ADAMTS12: variants seen among roughly 807,000 people sequenced by gnomAD.
The protein encoded by ADAMTS12 is ADAM metallopeptidase with thrombospondin type 1 motif 12.
Under a neutral mutation model 167.8 loss-of-function variants are expected in ADAMTS12, and 118 were observed. That is an observed-to-expected ratio of 0.70 (90% CI 0.61 to 0.82). The LOEUF (loss-of-function observed/expected upper bound fraction) is 0.82, where lower values mean the gene tolerates loss of function less well. Among genes scored for constraint, ADAMTS12 ranks in the 40% least tolerant of loss-of-function variants. The pLI, the probability that ADAMTS12 is intolerant of heterozygous loss-of-function variation, is 0.00. For missense variants in ADAMTS12, 1,916 were observed against 1,998.8 expected (o/e 0.96, Z 0.79); for synonymous variants, 704 against 716.9 (o/e 0.98, Z 0.29).
rs11749661 is a variant in ADAMTS12 at position 33,781,845 on chromosome 5, C to G, written c.490-30297G>C. Among the ~76,000 whole-genome samples the G allele has an allele frequency of 1.3e-4, 19 of 151,904 alleles. No individual in the cohort carries two copies. The East Asian group carries it at 1.7e-3, about 14-fold the overall frequency. Reference sequence around the variant, plus strand: ...ATATCTCCTAATGCTATCCCTCCCCCCCGACCCCACAACAGTCCCCAGAGT... The same window carrying G: ...ATATCTCCTAATGCTATCCCTCCCCGCCGACCCCACAACAGTCCCCAGAGT... On this transcript the variant is annotated intron_variant, in intron 2 of 23. Transcript: ENST00000504830.
Position 33,576,373 on chromosome 5 carries a change from T to C in ADAMTS12, c.3653A>G (p.Glu1218Gly), listed in dbSNP as rs1746716905. The change falls in exon 19 of 24, where the codon GAA becomes GGA. Residue 1218 changes from glutamate (E) to glycine (G), a missense_variant. Coordinates refer to ENST00000504830, the MANE Select transcript of ADAMTS12 (RefSeq NM_030955.4). ...GGGCCTTTGGCTGGGGAGCAGTCCT[T>C]CCATTACTGTGCTGAAGGGTGGCCA... ...SWWPPFSTVM[E>G]GLLPSQRPTT... is the part of the protein sequence containing the mutation. 4 of 1,614,180 alleles carry C rather than the reference T, an allele frequency of 2.5e-6. No homozygotes were observed. The highest frequency in any genetic ancestry group is 3.4e-6 in the Non-Finnish European group (4 of 1,180,032).
intron 2 of ADAMTS12, among the ~76,000 whole-genome samples, chr5:33,779,716 G>A (rs1028861681): frequency 6.6e-6 from 1 of 152,162 alleles, no homozygotes; most frequent in Non-Finnish European, 1.5e-5. Context: ...AATAAGCCTG[G>A]CACAGAAAGA....
chr5:33,766,707 CTTT>C (rs1745548129), intron 2 of ADAMTS12, among the ~76,000 whole-genome samples: 5 of 151,940 alleles, frequency 3.3e-5, no homozygotes, highest in Admixed American at 3.3e-4. Context: ...AGAACTCATT[CTTT>C]TTTAATTAGT....
chr5:33,715,874 C>A (rs11740622), intron 3 of ADAMTS12, among the ~76,000 whole-genome samples: 21,510 of 152,038 alleles, frequency 0.14, 1,870 homozygotes, highest in East Asian at 0.27. Context: ...GTCTAGCCAA[C>A]CCCACCCAAG....
chr5:33,610,397 A>G (rs1162776935), intron 16 of ADAMTS12, among the ~76,000 whole-genome samples: 1 of 152,228 alleles, frequency 6.6e-6, no homozygotes, highest in Non-Finnish European at 1.5e-5. Flanking sequence ...TTTCACAAAC[A>G]TAGAATGTCA....
intron 1 of ADAMTS12, among the ~76,000 whole-genome samples, chr5:33,886,926 C>A (rs1020438448): frequency 6.6e-6 from 1 of 152,006 alleles, no homozygotes; most frequent in African/African-American, 2.4e-5. Context: ...TTGTGCTTGA[C>A]AAATAACATT....
At chr5:33,759,501 AAC>A (rs1251799338) in intron 2 of ADAMTS12, among the ~76,000 whole-genome samples, 1 of 152,190 alleles carries the variant, frequency 6.6e-6, no homozygotes, top group Non-Finnish European at 1.5e-5. Context: ...TGCTGACAAG[AAC>A]TAAATAAGGC....
At chr5:33,640,811 TAA>T (rs1740408664) in intron 11 of ADAMTS12, among the ~76,000 whole-genome samples, 1 of 150,090 alleles carries the variant, frequency 6.7e-6, no homozygotes, top group African/African-American at 2.4e-5. Flanking sequence ...AAAAAATATA[TAA>T]TATATATAGT....
intron 23 of ADAMTS12, among the ~76,000 whole-genome samples, chr5:33,528,829 G>A (rs751950548): frequency 6.6e-6 from 1 of 152,198 alleles, no homozygotes; most frequent in Non-Finnish European, 1.5e-5. Context: ...GGCGGATCAT[G>A]AGGTCAGGAA....
At chr5:33,732,555 T>C (rs912097950) in intron 3 of ADAMTS12, among the ~76,000 whole-genome samples, 2 of 152,178 alleles carry the variant, frequency 1.3e-5, no homozygotes, top group Non-Finnish European at 2.9e-5. Context: ...ACTGTGGATA[T>C]TCATATTCAC....
At chr5:33,848,755 G>C (rs1386891183) in intron 2 of ADAMTS12, among the ~76,000 whole-genome samples, 1 of 152,144 alleles carries the variant, frequency 6.6e-6, no homozygotes, top group Non-Finnish European at 1.5e-5. Flanking sequence ...TAGGGTGATT[G>C]CAAGTATTAG....
intron 19 of ADAMTS12, among the ~76,000 whole-genome samples, chr5:33,571,993 T>C (rs1746377422): frequency 6.6e-6 from 1 of 151,972 alleles, no homozygotes; most frequent in African/African-American, 2.4e-5. Context: ...AATTAGAAAA[T>C]CTAGAAGAAA....
At chr5:33,682,222 G>C (rs1271821323) in intron 5 of ADAMTS12, among the ~76,000 whole-genome samples, 1 of 152,244 alleles carries the variant, frequency 6.6e-6, no homozygotes, top group African/African-American at 2.4e-5. Context: ...TATCTCCTGG[G>C]CTTATGTAAC....
chr5:33,708,764 GGGA>G (rs375442395), intron 3 of ADAMTS12, among the ~76,000 whole-genome samples: 73 of 152,164 alleles, frequency 4.8e-4, no homozygotes, highest in Middle Eastern at 3.4e-3. Flanking sequence ...TATAGGCACA[GGGA>G]GGAGAACATC....
At chr5:33,544,118 G>A (rs1206692725) in intron 22 of ADAMTS12, among the ~76,000 whole-genome samples, 7 of 152,256 alleles carry the variant, frequency 4.6e-5, no homozygotes, top group Middle Eastern at 3.4e-3. Context: ...AAAACCCATC[G>A]TCTCAGCCCC....
At chr5:33,642,150 A>G (rs1740484485) in intron 10 of ADAMTS12, among the ~76,000 whole-genome samples, 195 bp from the exon 11 acceptor site, 1 of 152,228 alleles carries the variant, frequency 6.6e-6, no homozygotes, top group Admixed American at 6.5e-5. Context: ...GAGAGTTTCA[A>G]GAATGGAAGG....
At chr5:33,890,699 G>A (rs1207255684) in intron 1 of ADAMTS12, among the ~76,000 whole-genome samples, 3 of 152,194 alleles carry the variant, frequency 2.0e-5, no homozygotes, top group Non-Finnish European at 4.4e-5. Flanking sequence ...GTGTGCATGC[G>A]TGTGGGTGCA....
At chr5:33,777,963 A>C (rs549712656) in intron 2 of ADAMTS12, among the ~76,000 whole-genome samples, 1 of 152,202 alleles carries the variant, frequency 6.6e-6, no homozygotes, top group East Asian at 1.9e-4. Context: ...AAATAAATTT[A>C]ATCAGAGGTA....
chr5:33,709,693 G>T (rs940503656), intron 3 of ADAMTS12, among the ~76,000 whole-genome samples: 7 of 151,946 alleles, frequency 4.6e-5, no homozygotes, highest in African/African-American at 1.5e-4. Flanking sequence ...CAACACACAT[G>T]GGGGATTGTT....
Sources: allele counts gnomAD v4.1 joint callset (sites outside exome capture counted in the v4.1 genomes callset), GRCh38; gene constraint gnomAD v4.1.1; transcripts MANE v1.5; gene names NCBI Gene and HGNC (gene_info 2026-07-23, HGNC 2026-07-21).